The following IMMP2L variants were observed in gnomAD, a reference collection of about 807,000 sequenced individuals.
IMMP2L encodes the protein mitochondrial inner membrane protease subunit 2.
Under a neutral mutation model 19.3 loss-of-function variants are expected in IMMP2L, and 18 were observed. The observed-to-expected ratio is 0.93, with a 90% CI of 0.64 to 1.38. IMMP2L has a LOEUF of 1.38. Ranked by LOEUF, IMMP2L falls within the 40% of genes most tolerant of loss-of-function variation. The probability of loss-of-function intolerance (pLI) is 0.00; values close to 1 mark genes in which losing one functional copy is unlikely to be tolerated. For synonymous variants in IMMP2L, 76 were observed against 73.0 expected, an observed-to-expected ratio of 1.04 and a Z score of -0.21; for missense variants, 233 against 218.2, an observed-to-expected ratio of 1.07 and a Z score of -0.43.
At chr7:111,066,207 T>C (rs1478605753) in intron 3 of IMMP2L, among the ~76,000 whole-genome samples, 2 of 151,936 alleles carry the variant, frequency 1.3e-5, no homozygotes, top group Non-Finnish European at 2.9e-5. Flanking sequence ...GGTCTTGAAC[T>C]CCTGACCTCG....
At chr7:110,980,701 C>T (rs1407432433) in intron 3 of IMMP2L, among the ~76,000 whole-genome samples, 2 of 152,036 alleles carry the variant, frequency 1.3e-5, no homozygotes, top group Non-Finnish European at 2.9e-5. Context: ...ACTTTCATTC[C>T]ACCAATATAA....
At chr7:111,212,609 C>T (rs956384005) in intron 3 of IMMP2L, among the ~76,000 whole-genome samples, 2 of 151,960 alleles carry the variant, frequency 1.3e-5, no homozygotes, top group African/African-American at 2.4e-5. Context: ...GGACCCTGTC[C>T]ACTACCACCC....
intron 5 of IMMP2L, among the ~76,000 whole-genome samples, chr7:110,805,565 A>G (rs1801577413): frequency 6.6e-6 from 1 of 152,086 alleles, no homozygotes; most frequent in Non-Finnish European, 1.5e-5. Flanking sequence ...AAATAACATT[A>G]AAAAATTCTA....
At chr7:111,421,402 T>G (rs1835530901) in intron 3 of IMMP2L, among the ~76,000 whole-genome samples, 1 of 150,822 alleles carries the variant, frequency 6.6e-6, no homozygotes, top group Non-Finnish European at 1.5e-5. Flanking sequence ...CCCGAGTAGC[T>G]GGGACTACAG....
At chr7:111,193,621 G>C (rs1809145572) in intron 3 of IMMP2L, among the ~76,000 whole-genome samples, 1 of 152,072 alleles carries the variant, frequency 6.6e-6, no homozygotes, top group Admixed American at 6.6e-5. Context: ...CCTCCGAATG[G>C]GAAATCCTCA....
intron 1 of IMMP2L, among the ~76,000 whole-genome samples, chr7:111,534,307 A>C (rs1847677328): frequency 6.6e-6 from 1 of 151,124 alleles, no homozygotes; most frequent in South Asian, 2.1e-4. Flanking sequence ...CATACAGTAG[A>C]GTAATCTGCA....
At chr7:110,718,824 A>G (rs62463982) in intron 5 of IMMP2L, among the ~76,000 whole-genome samples, 31,657 of 151,974 alleles carry the variant, frequency 0.21, 3,469 homozygotes, top group Admixed American at 0.26. Context: ...CTTACCTGAA[A>G]TAGCCAGAAG....
chr7:110,703,227 T>C (rs952562851), intron 5 of IMMP2L, among the ~76,000 whole-genome samples: 3 of 152,196 alleles, frequency 2.0e-5, no homozygotes, highest in African/African-American at 7.2e-5. Context: ...TATGTTAATA[T>C]AAGTTACACT....
chr7:111,345,206 C>G (rs543114430), intron 3 of IMMP2L, among the ~76,000 whole-genome samples: 8 of 152,184 alleles, frequency 5.3e-5, no homozygotes, highest in African/African-American at 9.6e-5. Context: ...TCTAATATTA[C>G]TAAATGTGTA....
At chr7:111,177,269 T>TC (rs1807180988) in intron 3 of IMMP2L, among the ~76,000 whole-genome samples, 2 of 152,080 alleles carry the variant, frequency 1.3e-5, no homozygotes, top group South Asian at 4.1e-4. Flanking sequence ...AGGCTTGACC[T>TC]CCCAGGCTCA....
chr7:111,181,737 A>C (rs1482468233), intron 3 of IMMP2L, among the ~76,000 whole-genome samples: 1 of 152,056 alleles, frequency 6.6e-6, no homozygotes, highest in African/African-American at 2.4e-5. Context: ...TGCCACAAAC[A>C]ATAACAAAAA....
chr7:111,514,360 G>T (rs916725247), intron 2 of IMMP2L, among the ~76,000 whole-genome samples: 1 of 151,948 alleles, frequency 6.6e-6, no homozygotes, highest in Non-Finnish European at 1.5e-5. Flanking sequence ...CGCACACCGG[G>T]GCCTGTGGTG....
chr7:111,138,549 T>A (rs143548341), intron 3 of IMMP2L, among the ~76,000 whole-genome samples: 1 of 152,216 alleles, frequency 6.6e-6, no homozygotes, highest in Admixed American at 6.5e-5. Flanking sequence ...CTATTTTACA[T>A]TGTACTAGGC....
intron 4 of IMMP2L, among the ~76,000 whole-genome samples, chr7:110,914,665 T>C (rs1284453995): frequency 1.3e-5 from 2 of 152,180 alleles, no homozygotes; most frequent in African/African-American, 2.4e-5. Flanking sequence ...TTTAGCAAAA[T>C]TCATGTTGCT....
chr7:111,039,513 A>G (rs1003357894), intron 3 of IMMP2L, among the ~76,000 whole-genome samples: 1 of 152,214 alleles, frequency 6.6e-6, no homozygotes, highest in African/African-American at 2.4e-5. Context: ...CTGGAAAATA[A>G]AAAACTAAAT....
At chr7:111,387,762 G>A (rs1831912156) in intron 3 of IMMP2L, among the ~76,000 whole-genome samples, 1 of 151,778 alleles carries the variant, frequency 6.6e-6, no homozygotes, top group Non-Finnish European at 1.5e-5. Context: ...CAGACAACGA[G>A]GTCAGGAGAT....
intron 1 of IMMP2L, among the ~76,000 whole-genome samples, chr7:111,545,315 C>T (rs1328095248): frequency 6.6e-6 from 1 of 151,982 alleles, no homozygotes; most frequent in Non-Finnish European, 1.5e-5. Flanking sequence ...CCTTATTGGC[C>T]ATTTGTATAT....
At chr7:111,030,464 C>T (rs535427180) in intron 3 of IMMP2L, among the ~76,000 whole-genome samples, 63 of 151,996 alleles carry the variant, frequency 4.1e-4, no homozygotes, top group African/African-American at 1.5e-3. Context: ...ATTCCTTTCT[C>T]TTCCTTCACA....
At chr7:111,431,501 G>T (rs576920288) in intron 3 of IMMP2L, among the ~76,000 whole-genome samples, 1 of 151,824 alleles carries the variant, frequency 6.6e-6, no homozygotes, top group Non-Finnish European at 1.5e-5. Flanking sequence ...AAATATGCAT[G>T]TGCAGAATGC....
Sources: allele counts gnomAD v4.1 joint callset (sites outside exome capture counted in the v4.1 genomes callset), GRCh38; gene constraint gnomAD v4.1.1; transcripts MANE v1.5; gene names NCBI Gene and HGNC (gene_info 2026-07-23, HGNC 2026-07-21).